The following SEMA6D variants were observed in gnomAD, a reference collection of about 807,000 sequenced individuals.
SEMA6D encodes the protein semaphorin 6D, also known as semaphorin-6D.
Under a neutral mutation model 106.6 loss-of-function variants are expected in SEMA6D, and 35 were observed. The observed-to-expected ratio is 0.33, with a 90% CI of 0.25 to 0.44. The LOEUF is 0.44. SEMA6D is among the 20% of genes least tolerant of loss of function. The pLI, the probability that SEMA6D is intolerant of heterozygous loss-of-function variation, is 1.00. For missense variants in SEMA6D, 1,185 were observed against 1,345.9 expected, an observed-to-expected ratio of 0.88 and a Z score of 1.87; for synonymous variants, 499 against 487.7, an observed-to-expected ratio of 1.02 and a Z score of -0.31.
At chr15:47,631,107 C>G (rs1015472004) in intron 4 of SEMA6D, among the ~76,000 whole-genome samples, 2 of 151,812 alleles carry the variant, frequency 1.3e-5, no homozygotes, top group Non-Finnish European at 3.0e-5. Flanking sequence ...TTATTAGTCT[C>G]ATAAACAAGT....
rs140476272 is a variant in SEMA6D at position 47,735,893 on chromosome 15, A to G, written c.-55+18201A>G. The stretch of plus-strand genomic sequence containing the variant: ...CATTTCATCACTTAACTATTAAACA[A>G]TTTTTACTTTGACACTAATCAAGAG... On this transcript the variant is annotated intron_variant, in intron 1 of 18. Transcript: ENST00000536845. Among the ~76,000 whole-genome samples, 155 of 152,254 alleles carry G rather than the reference A, an allele frequency of 1.0e-3. 4 individuals are homozygous for G. In the East Asian group the frequency reaches 0.021, roughly 20 times the overall value.
intron 1 of SEMA6D, among the ~76,000 whole-genome samples, chr15:47,297,182 AATAAT>A (rs2142943386): frequency 6.6e-6 from 1 of 152,356 alleles, no homozygotes; most frequent in South Asian, 2.1e-4. Context: ...AAAAGGAATA[AATAAT>A]ATATTTTAAA....
intron 4 of SEMA6D, among the ~76,000 whole-genome samples, chr15:47,644,467 G>A (rs1237419052): frequency 6.6e-6 from 1 of 152,188 alleles, no homozygotes; most frequent in African/African-American, 2.4e-5. Flanking sequence ...TGGTTTGAAT[G>A]TGTCCCCTCA....
intron 1 of SEMA6D, among the ~76,000 whole-genome samples, chr15:47,216,505 A>G (rs1355355292): frequency 6.6e-6 from 1 of 152,176 alleles, no homozygotes; most frequent in South Asian, 2.1e-4. Context: ...ATTTAAGAGG[A>G]AGCCAAATTG....
intron 1 of SEMA6D, among the ~76,000 whole-genome samples, chr15:47,746,180 G>T (rs2147185674): frequency 1.3e-5 from 2 of 152,192 alleles, no homozygotes; most frequent in South Asian, 4.2e-4. Flanking sequence ...TCTTCCTCTG[G>T]GTCATTAGAG....
intron 1 of SEMA6D, among the ~76,000 whole-genome samples, chr15:47,411,173 G>A (rs1197117169): frequency 6.6e-6 from 1 of 152,014 alleles, no homozygotes; most frequent in Admixed American, 6.5e-5. Flanking sequence ...TCGGCTCACT[G>A]CAACCTCGGT....
At chr15:47,368,172 C>T (rs1050131385) in intron 1 of SEMA6D, among the ~76,000 whole-genome samples, 14 of 152,204 alleles carry the variant, frequency 9.2e-5, no homozygotes, top group African/African-American at 2.9e-4. Context: ...ATACCAGCAG[C>T]GCTGTGCCAG....
intron 1 of SEMA6D, chr15:47,272,917 G>A (rs2034621857): frequency 6.6e-6 from 1 of 152,128 alleles, no homozygotes; most frequent in African/African-American, 2.4e-5. Flanking sequence ...AGCCTCTTAA[G>A]GATAGGAGGA....
At chr15:47,285,080 G>A (rs1190161625) in intron 1 of SEMA6D, among the ~76,000 whole-genome samples, 1 of 152,154 alleles carries the variant, frequency 6.6e-6, no homozygotes, top group African/African-American at 2.4e-5. Context: ...GCAGCCATGT[G>A]TATTAAATAA....
At chr15:47,291,982 A>G (rs140985228) in intron 1 of SEMA6D, among the ~76,000 whole-genome samples, 24 of 152,350 alleles carry the variant, frequency 1.6e-4, no homozygotes, top group African/African-American at 5.3e-4. Flanking sequence ...GAGAAATCTC[A>G]TGTATATGCA....
At chr15:47,576,698 T>C (rs571562828) in intron 3 of SEMA6D, among the ~76,000 whole-genome samples, 2 of 152,326 alleles carry the variant, frequency 1.3e-5, no homozygotes, top group South Asian at 4.1e-4. Context: ...TATTTACTCC[T>C]TGGACCCGGG....
intron 2 of SEMA6D, among the ~76,000 whole-genome samples, chr15:47,469,799 C>A (rs1036871242): frequency 1.3e-5 from 2 of 152,060 alleles, no homozygotes; most frequent in Non-Finnish European, 1.5e-5. Flanking sequence ...CTTTTAAGAT[C>A]TTTTGTATGT....
intron 3 of SEMA6D, among the ~76,000 whole-genome samples, chr15:47,600,094 C>T (rs975682972): frequency 6.6e-6 from 1 of 151,832 alleles, no homozygotes; most frequent in Non-Finnish European, 1.5e-5. Context: ...TCTTTCTAGC[C>T]CAAGTTGAAA....
At chr15:47,454,334 G>C (rs1010802812) in intron 2 of SEMA6D, among the ~76,000 whole-genome samples, 12 of 151,874 alleles carry the variant, frequency 7.9e-5, no homozygotes, top group Non-Finnish European at 1.6e-4. Context: ...TTTACAACTT[G>C]TCATTTTGAT....
Position 47,534,674 on chromosome 15 carries a change from C to T in SEMA6D, c.-87+64129C>T, listed in dbSNP as rs532429295. On this transcript the variant is annotated intron_variant, in intron 3 of 19. Coordinates refer to the SEMA6D transcript ENST00000558014. ...CAGTATCCCACTGTTGGAGAGACTA[C>T]GTAATGCTTTCGGGGATTTGAGATT... Among the ~76,000 whole-genome samples, 24 of 152,208 alleles carry T rather than the reference C, an allele frequency of 1.6e-4. No individual in the cohort carries two copies. The South Asian group carries it at 4.6e-3, about 29-fold the overall frequency.
intron 1 of SEMA6D, among the ~76,000 whole-genome samples, chr15:47,350,024 C>G (rs991867769): frequency 1.3e-5 from 2 of 152,142 alleles, no homozygotes; most frequent in African/African-American, 4.8e-5. Flanking sequence ...CAGCATAATA[C>G]AAGAGTATTT....
intron 1 of SEMA6D, among the ~76,000 whole-genome samples, chr15:47,285,496 G>T (rs2035320981): frequency 6.6e-6 from 1 of 152,106 alleles, no homozygotes; most frequent in South Asian, 2.1e-4. Context: ...AAAAGGGAAG[G>T]AGAAAGTAAT....
At chr15:47,511,186 A>G (rs2044218859) in intron 3 of SEMA6D, among the ~76,000 whole-genome samples, 1 of 152,154 alleles carries the variant, frequency 6.6e-6, no homozygotes, top group Admixed American at 6.6e-5. Context: ...TTTGGGGAGA[A>G]TTGTGAAGGA....
intron 1 of SEMA6D, among the ~76,000 whole-genome samples, chr15:47,373,243 T>C (rs1275141690): frequency 1.3e-5 from 2 of 152,182 alleles, no homozygotes; most frequent in African/African-American, 2.4e-5. Context: ...CCACTTGTGC[T>C]TGTCATAGTT....
Sources: allele counts gnomAD v4.1 joint callset (sites outside exome capture counted in the v4.1 genomes callset), GRCh38; gene constraint gnomAD v4.1.1; transcripts MANE v1.5; gene names NCBI Gene and HGNC (gene_info 2026-07-23, HGNC 2026-07-21).